The following TMEM40 variants were observed in gnomAD, a reference collection of about 807,000 sequenced individuals.
TMEM40 encodes transmembrane protein 40.
In TMEM40, 34 loss-of-function variants were observed where a neutral mutation model predicts 40.8. The ratio of observed to expected loss-of-function variants is 0.83; its 90% confidence interval spans 0.63 to 1.11. The LOEUF (loss-of-function observed/expected upper bound fraction) is 1.11. TMEM40 is among the 50% of genes least tolerant of loss of function. The pLI is 0.00. For synonymous variants in TMEM40, 106 were observed against 107.0 expected (o/e 0.99, Z 0.06); for missense variants, 296 against 280.2 (o/e 1.06, Z -0.40).
chr3:12,756,229 G>A (rs1375558258), intron 1 of TMEM40, among the ~76,000 whole-genome samples: 1 of 152,134 alleles, frequency 6.6e-6, no homozygotes, highest in Non-Finnish European at 1.5e-5. Flanking sequence ...TTGAAAGGTG[G>A]ATTTCCACCC....
At chr3:12,743,855 G>GT (rs756365162) in intron 4 of TMEM40, 45 bp downstream of exon 4, 15 of 1,574,692 alleles carry the variant, frequency 9.5e-6, no homozygotes, top group Admixed American at 1.7e-5. Flanking sequence ...GAAACTCAAC[G>GT]GTGAGCGAGT....
Position 12,766,471 on chromosome 3 carries a change from T to C in TMEM40, c.-9+2780A>G, listed in dbSNP as rs539300167. ...TTAGCCAGGCGTGGTGGCAGGTGCC[T>C]GTAGTCCCAGCTACTCGGGGGGCTG... is the stretch of plus-strand genomic sequence containing the variant. On this transcript the variant is annotated intron_variant, in intron 1 of 11. Coordinates refer to the TMEM40 transcript ENST00000264728. Among the ~76,000 whole-genome samples the C allele has an allele frequency of 6.6e-5, 10 of 151,756 alleles. 1 individual carries two copies. The South Asian group carries it at 2.1e-3, about 32-fold the overall frequency.
In TMEM40 at chr3:12,733,566, T is replaced by C. The variant is rs1046560537; in HGVS notation, c.*1208A>G. 5.3e-5 allele frequency: 8 copies of C among 152,182 alleles called. No homozygotes were observed. Among genetic ancestry groups the C allele is most frequent in the Non-Finnish European group, 4.4e-5 (3 of 68,038 alleles). 9.4% of individuals were successfully genotyped at this position (152,182 alleles called of 1,614,324 possible). A position where few individuals can be genotyped will look rare whatever the true frequency, so the allele number is the denominator to read the frequency against. On this transcript the variant is annotated 3_prime_UTR_variant, in exon 12 of 12. Transcript: ENST00000314124. ...GTGTTTTATTTATATGTTTAATAAA[T>C]ATCTGATCTGTGCACTCTGGGCTCC...
At chr3:12,755,213 T>TTCTTTCTTTCTTTC (rs1553634015) in intron 1 of TMEM40, among the ~76,000 whole-genome samples, 1 of 94,264 alleles carries the variant, frequency 1.1e-5, no homozygotes, top group African/African-American at 4.4e-5. Context: ...CTTTCTTTCT[T>TTCTTTCTTTCTTTC]TCTCTCTCTC....
At chr3:12,768,109 C>T (rs1247656265) in intron 1 of TMEM40, among the ~76,000 whole-genome samples, 8 of 152,124 alleles carry the variant, frequency 5.3e-5, no homozygotes, top group Non-Finnish European at 8.8e-5. Context: ...GGTGGGTTCA[C>T]GGTCTCGCTG....
upstream of TMEM40, among the ~76,000 whole-genome samples, chr3:12,759,790 C>A (rs1332089519): frequency 6.6e-6 from 1 of 152,120 alleles, no homozygotes; most frequent in Non-Finnish European, 1.5e-5. Context: ...AGCACCCACT[C>A]GCCTTGTGCA....
At chr3:12,755,203 C>T in intron 1 of TMEM40, among the ~76,000 whole-genome samples, 1 of 79,868 alleles carries the variant, frequency 1.3e-5, no homozygotes, top group South Asian at 3.5e-4. Context: ...TCCTTCCTTT[C>T]TTTCTTTCTT....
intron 11 of TMEM40, among the ~76,000 whole-genome samples, chr3:12,735,007 A>G (rs150031778): frequency 6.6e-6 from 1 of 152,158 alleles, no homozygotes; most frequent in Admixed American, 6.6e-5. Context: ...GCACAGCCAC[A>G]CAGCCACTTG....
chr3:12,763,387 CA>C (rs2061581506), upstream of TMEM40, among the ~76,000 whole-genome samples: 1 of 152,066 alleles, frequency 6.6e-6, no homozygotes. Flanking sequence ...GGGCAGATCT[CA>C]GGGGACATGA....
chr3:12,747,240 G>A (rs2061436118), intron 3 of TMEM40, among the ~76,000 whole-genome samples: 1 of 150,400 alleles, frequency 6.6e-6, no homozygotes, highest in African/African-American at 2.5e-5. Flanking sequence ...AAAGTCTTAA[G>A]CTCAAGCCCA....
intron 11 of TMEM40, among the ~76,000 whole-genome samples, chr3:12,735,146 T>A (rs1218979612): frequency 6.6e-6 from 1 of 152,182 alleles, no homozygotes; most frequent in Non-Finnish European, 1.5e-5. Flanking sequence ...GAGCCTCATT[T>A]TCCTATTGGT....
At chr3:12,750,851 C>G (rs2061470111) in intron 1 of TMEM40, among the ~76,000 whole-genome samples, 1 of 152,178 alleles carries the variant, frequency 6.6e-6, no homozygotes, top group Non-Finnish European at 1.5e-5. Flanking sequence ...ATGCCAGTAG[C>G]ACTTTCCTGT....
chr3:12,735,897 T>C (rs1040279551), intron 10 of TMEM40, among the ~76,000 whole-genome samples: 8 of 152,208 alleles, frequency 5.3e-5, no homozygotes, highest in African/African-American at 1.9e-4. Context: ...TTTGCCACTT[T>C]TATTTATTTA....
intron 1 of TMEM40, among the ~76,000 whole-genome samples, chr3:12,768,249 G>A (rs933126172): frequency 2.6e-5 from 4 of 152,098 alleles, no homozygotes; most frequent in Admixed American, 2.6e-4. Context: ...GCAGACCTTC[G>A]TGGTGAGTGT....
chr3:12,737,709 T>A lies in TMEM40; in HGVS notation c.470A>T (p.Asp157Val), dbSNP rs1333974661. The A allele has an allele frequency of 7.4e-6, 12 of 1,613,902 alleles. No homozygotes were observed. Among genetic ancestry groups the A allele is most frequent in the Non-Finnish European group, 9.3e-6 (11 of 1,179,914 alleles). ...SQLRRLNIKK[D>V]DEFFHFVLLC... ...CTCTGCTACACCAAGTTCCTTACCATCTTTCTTTATATTCAGTCTTCTTAA... is the reference window on the plus strand; with the variant it reads ...CTCTGCTACACCAAGTTCCTTACCAACTTTCTTTATATTCAGTCTTCTTAA... Residue 157 changes from aspartate (D) to valine (V), a missense_variant and splice_region_variant, in exon 8 of 12, where the codon GAT becomes GTT. Coordinates refer to ENST00000314124, the MANE Select transcript of TMEM40 (RefSeq NM_018306.4).
intron 1 of TMEM40, among the ~76,000 whole-genome samples, chr3:12,765,458 G>T (rs560054781): frequency 6.6e-6 from 1 of 152,180 alleles, no homozygotes; most frequent in African/African-American, 2.4e-5. Flanking sequence ...GACAATCACT[G>T]GAGGGCAGCA....
rs1228908752 is a variant in TMEM40, at chr3:12,734,778, T to C, written c.698A>G (p.Asp233Gly). Residue 233 changes from aspartate (D) to glycine (G), a missense_variant, in exon 12 of 12, where the codon GAC becomes GGC. By Grantham distance (94) the Asp-to-Gly change is moderately conservative. Coordinates refer to ENST00000314124, the MANE Select transcript of TMEM40 (RefSeq NM_018306.4). ...GCTGCCCACCTGGAAGTGGCCTCAG[T>C]CAGTCTTCCTGAACCCTGGAAGGCA... ...KFRLTGFRKT[D>G] 7 of 1,598,924 alleles carry C rather than the reference T, an allele frequency of 4.4e-6. No homozygotes were observed. The highest frequency in any genetic ancestry group is 5.1e-6 in the Non-Finnish European group (6 of 1,173,172).
Position 12,736,532 on chromosome 3 carries a change from C to T in TMEM40, c.619+46G>A, listed in dbSNP as rs1461101578. ...GAAAATGAATATTTCTACCCACGACCCCTCCAAGAGACTGTGTGTGTGTCC... is the reference window on the plus strand; with the variant it reads ...GAAAATGAATATTTCTACCCACGACTCCTCCAAGAGACTGTGTGTGTGTCC... On this transcript the variant is annotated intron_variant, in intron 10 of 11. Transcript: ENST00000314124. 10 of 1,531,164 alleles carry T rather than the reference C, an allele frequency of 6.5e-6. No individual in the cohort carries two copies. The South Asian group carries it at 1.1e-4, about 16-fold the overall frequency. The allele number at this position is 1,531,164 out of a possible 1,614,324, so 94.8% of individuals were successfully genotyped here.
upstream of TMEM40, among the ~76,000 whole-genome samples, chr3:12,762,902 A>T (rs7644858): frequency 6.6e-6 from 1 of 151,930 alleles, no homozygotes; most frequent in Non-Finnish European, 1.5e-5. Context: ...GGTGGCTCGC[A>T]CCTGTAATCC....
Sources: allele counts gnomAD v4.1 joint callset (sites outside exome capture counted in the v4.1 genomes callset), GRCh38; gene constraint gnomAD v4.1.1; transcripts MANE v1.5; gene names NCBI Gene and HGNC (gene_info 2026-07-23, HGNC 2026-07-21).